The following SLC1A3 variants were observed in gnomAD, a reference collection of about 807,000 sequenced individuals.
SLC1A3 encodes the protein excitatory amino acid transporter 1.
In SLC1A3, 21 loss-of-function variants were observed where a neutral mutation model predicts 48.1. The ratio of observed to expected loss-of-function variants is 0.44; its 90% CI spans 0.31 to 0.63. The LOEUF is 0.63. SLC1A3 is among the 20% of genes least tolerant of loss of function. SLC1A3 has a pLI of 0.08. For missense variants in SLC1A3, 546 were observed against 689.0 expected (o/e 0.79, Z 2.32); for synonymous variants, 239 against 251.4 (o/e 0.95, Z 0.47).
intron 4 of SLC1A3, among the ~76,000 whole-genome samples, chr5:36,673,588 C>T (rs536324240): frequency 7.2e-5 from 11 of 152,346 alleles, no homozygotes; most frequent in South Asian, 2.1e-4. Flanking sequence ...TTCCCCAGAA[C>T]GCCTTTGGGA....
intron 2 of SLC1A3, among the ~76,000 whole-genome samples, chr5:36,628,504 G>T (rs943906733): frequency 1.3e-5 from 2 of 152,106 alleles, no homozygotes; most frequent in African/African-American, 2.4e-5. Flanking sequence ...TTAAAAAATG[G>T]AATCACATGT....
In SLC1A3 at chr5:36,622,735, G is replaced by A. The variant is rs924255209; in HGVS notation, c.182-6715G>A. Among the ~76,000 whole-genome samples the A allele has an allele frequency of 9.2e-5, 14 of 152,086 alleles. 1 individual carries two copies. In the East Asian group the frequency reaches 1.5e-3, roughly 17 times the overall value. On this transcript the variant is annotated intron_variant, in intron 2 of 9. Coordinates refer to ENST00000265113, the MANE Select transcript of SLC1A3 (RefSeq NM_004172.5). ...CCAAAGAAGTATTTGTTGTTGGCCG[G>A]GCGCATTGGCTCACGCCTGTAATCC...
intron 8 of SLC1A3, 48 bp downstream of exon 8, chr5:36,680,637 G>T: frequency 6.6e-7 from 1 of 1,526,522 alleles, no homozygotes; most frequent in Non-Finnish European, 9.1e-7. Flanking sequence ...TGCCTTTAAG[G>T]CTGGGCGTGG....
At chr5:36,626,924 T>C (rs1292885470) in intron 2 of SLC1A3, among the ~76,000 whole-genome samples, 1 of 152,068 alleles carries the variant, frequency 6.6e-6, no homozygotes, top group African/African-American at 2.4e-5. Flanking sequence ...GAAAGAAACA[T>C]GAATTTAAGA....
At position 36,633,401 on chromosome 5, in the gene SLC1A3, C is replaced by T. The variant is rs531773900; in HGVS notation, c.319+3814C>T. The stretch of plus-strand genomic sequence containing the variant: ...AAGAGGTGAGAGAGGAGTGTCAACA[C>T]GAGTAAAAGCAACAGTGTCTGGGAC... On this transcript the variant is annotated intron_variant, in intron 3 of 9. Transcript: ENST00000265113. Among the ~76,000 whole-genome samples, 11 of 152,196 alleles carry T rather than the reference C, an allele frequency of 7.2e-5. No individual in the cohort carries two copies. In the East Asian group the frequency reaches 1.7e-3, roughly 24 times the overall value.
intron 1 of SLC1A3, among the ~76,000 whole-genome samples, chr5:36,597,743 C>T (rs1202642902): frequency 6.6e-6 from 1 of 152,076 alleles, no homozygotes; most frequent in Non-Finnish European, 1.5e-5. Context: ...GTCTTGCTCC[C>T]GCCATTTCTT....
intron 3 of SLC1A3, among the ~76,000 whole-genome samples, chr5:36,638,518 G>A (rs372655122): frequency 6.6e-6 from 1 of 152,280 alleles, no homozygotes; most frequent in East Asian, 1.9e-4. Context: ...CCTCCCTGGA[G>A]TACCTGTCAC....
chr5:36,621,623 T>C (rs1739675168), intron 2 of SLC1A3, among the ~76,000 whole-genome samples: 1 of 152,194 alleles, frequency 6.6e-6, no homozygotes, highest in Admixed American at 6.5e-5. Context: ...CCTTCTTCAT[T>C]TACAAATTAG....
intron 3 of SLC1A3, among the ~76,000 whole-genome samples, chr5:36,642,862 G>A (rs1187130804): frequency 6.6e-6 from 1 of 152,102 alleles, no homozygotes; most frequent in African/African-American, 2.4e-5. Flanking sequence ...ATGTTTTCAA[G>A]ATTCATCCAT....
At chr5:36,635,525 G>C (rs1294732017) in intron 3 of SLC1A3, among the ~76,000 whole-genome samples, 1 of 152,178 alleles carries the variant, frequency 6.6e-6, no homozygotes, top group Non-Finnish European at 1.5e-5. Flanking sequence ...AATTAATCCG[G>C]TAACAACATG....
intron 1 of SLC1A3, among the ~76,000 whole-genome samples, chr5:36,600,572 G>GTGTGATCC (rs1561229803): frequency 6.6e-6 from 1 of 152,210 alleles, no homozygotes; most frequent in Non-Finnish European, 1.5e-5. Flanking sequence ...TTTCAAGCAA[G>GTGTGATCC]TGTGATCCAT....
chr5:36,607,473 A>G (rs906502331), intron 1 of SLC1A3, among the ~76,000 whole-genome samples: 2 of 152,246 alleles, frequency 1.3e-5, no homozygotes, highest in Non-Finnish European at 2.9e-5. Context: ...TAAAGAAACC[A>G]GAAACCACAA....
intron 2 of SLC1A3, among the ~76,000 whole-genome samples, chr5:36,624,547 A>G (rs138757114): frequency 5.9e-5 from 9 of 152,322 alleles, no homozygotes; most frequent in African/African-American, 1.9e-4. Context: ...GTGGATAACA[A>G]TAATAGTCCT....
chr5:36,599,703 T>TC (rs895202901), intron 1 of SLC1A3, among the ~76,000 whole-genome samples: 4 of 149,696 alleles, frequency 2.7e-5, no homozygotes, highest in Admixed American at 6.7e-5. Context: ...GAGACGGAGT[T>TC]CGCCATGTTG....
At chr5:36,641,346 A>C (rs1740610791) in intron 3 of SLC1A3, among the ~76,000 whole-genome samples, 1 of 151,994 alleles carries the variant, frequency 6.6e-6, no homozygotes, top group South Asian at 2.1e-4. Flanking sequence ...ACTTTTCCCG[A>C]GTTTGTTTCT....
At chr5:36,612,026 C>A (rs1313138586) in intron 2 of SLC1A3, among the ~76,000 whole-genome samples, 1 of 152,160 alleles carries the variant, frequency 6.6e-6, no homozygotes, top group African/African-American at 2.4e-5. Context: ...TTCACAAACA[C>A]AGTAAACTAG....
intron 2 of SLC1A3, among the ~76,000 whole-genome samples, chr5:36,625,147 C>T (rs1358037628): frequency 6.6e-6 from 1 of 152,210 alleles, no homozygotes; most frequent in African/African-American, 2.4e-5. Context: ...TTCTGAGCAT[C>T]AGTTTATTAA....
intron 3 of SLC1A3, chr5:36,668,527 C>G (rs182384425): frequency 6.6e-6 from 1 of 152,194 alleles, no homozygotes; most frequent in African/African-American, 2.4e-5. Flanking sequence ...AGGGAAGGAC[C>G]TACATGGAGA....
At chr5:36,641,881 G>T (rs543444249) in intron 3 of SLC1A3, among the ~76,000 whole-genome samples, 79 of 152,256 alleles carry the variant, frequency 5.2e-4, no homozygotes, top group African/African-American at 1.8e-3. Context: ...CAATATAAAA[G>T]TAAAATTATA....
Sources: gnomAD v4.1 joint callset for allele counts (sites outside exome capture counted in the v4.1 genomes callset) on GRCh38, gnomAD v4.1.1 for gene constraint, MANE v1.5 for transcripts, NCBI Gene and HGNC (gene_info 2026-07-23, HGNC 2026-07-21) for gene names.